Variants in CYRIB observed in about 807,000 individuals in gnomAD.
CYRIB encodes CYFIP related Rac1 interactor B, also known as CYFIP-related Rac1 interactor B.
In CYRIB, 8 loss-of-function variants were observed where a neutral mutation model predicts 44.2. The observed-to-expected ratio is 0.18, with a 90% CI of 0.11 to 0.33. The LOEUF (loss-of-function observed/expected upper bound fraction) is 0.33. Ranked by LOEUF, CYRIB falls within the 10% of genes least tolerant of loss-of-function variation. The pLI is 1.00. For missense variants in CYRIB, 185 were observed against 382.8 expected (o/e 0.48, Z 4.31); for synonymous variants, 131 against 127.2 (o/e 1.03, Z -0.20).
At chr8:129,863,282 T>C (rs2050991079) in intron 4 of CYRIB, among the ~76,000 whole-genome samples, 1 of 152,162 alleles carries the variant, frequency 6.6e-6, no homozygotes, top group Admixed American at 6.5e-5. Context: ...ATCCCAGCAC[T>C]TTGGGAGGCT....
At position 129,842,179 on chromosome 8, in the gene CYRIB, T is replaced by TC; in HGVS notation, c.937dup (p.Glu313GlyfsTer8). On this transcript the variant is annotated frameshift_variant, in exon 12 of 12. Coordinates refer to ENST00000519824, the Ensembl canonical transcript of CYRIB. LOFTEE classifies it high-confidence loss of function. ...GGATTTAATTTGCTTGGAGGTAGTC[T>TC]CATCATTCAAATGTTTTGTTGTGTA... The TC allele has an allele frequency of 6.2e-7, 1 of 1,612,528 alleles. No homozygotes were observed.
intron 1 of CYRIB, among the ~76,000 whole-genome samples, chr8:130,015,673 A>T (rs764616875): frequency 1.3e-5 from 2 of 152,172 alleles, no homozygotes; most frequent in Non-Finnish European, 2.9e-5. Context: ...TTCAAAGGAC[A>T]CACAGGTTTT....
chr8:129,887,863 T>C (rs187152930), intron 2 of CYRIB, among the ~76,000 whole-genome samples: 1 of 152,354 alleles, frequency 6.6e-6, no homozygotes, highest in East Asian at 1.9e-4. Context: ...ACCCTCATTG[T>C]ATCTTGGAAG....
intron 2 of CYRIB, among the ~76,000 whole-genome samples, chr8:129,886,684 T>C (rs1175802347): frequency 6.6e-6 from 1 of 152,128 alleles, no homozygotes; most frequent in East Asian, 1.9e-4. Context: ...ACGTTGCTAA[T>C]TCCAGTGTCA....
chr8:129,987,512 T>C (rs1441457875), intron 1 of CYRIB, among the ~76,000 whole-genome samples: 2 of 151,804 alleles, frequency 1.3e-5, no homozygotes, highest in Non-Finnish European at 2.9e-5. Context: ...CCGGACTACA[T>C]TCTCTCGCCT....
exon 1 of CYRIB, chr8:130,016,374 C>G (rs1416052093): frequency 6.7e-6 from 1 of 148,376 alleles, no homozygotes; most frequent in African/African-American, 2.5e-5. Context: ...ACGTACCTGG[C>G]GGCCCGGGCG....
chr8:129,892,855 A>G (rs933010013), intron 2 of CYRIB, among the ~76,000 whole-genome samples: 18 of 152,242 alleles, frequency 1.2e-4, no homozygotes, highest in African/African-American at 4.1e-4. Context: ...TAATACCATT[A>G]AATCAAACAT....
chr8:129,922,795 G>A (rs1035457025), intron 1 of CYRIB, among the ~76,000 whole-genome samples: 5 of 149,308 alleles, frequency 3.3e-5, no homozygotes, highest in East Asian at 4.1e-4. Flanking sequence ...CCTGGGAGGC[G>A]GAGTTTGCAG....
At chr8:129,933,106 TGTAA>T (rs1464407927) in intron 1 of CYRIB, among the ~76,000 whole-genome samples, 3 of 151,990 alleles carry the variant, frequency 2.0e-5, no homozygotes, top group Non-Finnish European at 2.9e-5. Context: ...AAAGAAATGG[TGTAA>T]GTAATGATGA....
intron 1 of CYRIB, among the ~76,000 whole-genome samples, chr8:130,007,653 A>G (rs923315372): frequency 2.0e-5 from 3 of 152,084 alleles, no homozygotes; most frequent in Admixed American, 6.5e-5. Context: ...GCGTGGTGGC[A>G]CAGGCCTATA....
rs550989406 is a variant in CYRIB at position 129,849,225 on chromosome 8, T to C, written c.840+18A>G. On this transcript the variant is annotated intron_variant, in intron 10 of 11. Transcript: ENST00000519824. The stretch of plus-strand genomic sequence containing the variant: ...GGAGAAACTCGTTTGAAATTATTTA[T>C]ATAAAACAATAACTTACATCAATTT... The C allele has an allele frequency of 1.9e-6, 3 of 1,577,570 alleles. No homozygotes were observed. The highest frequency in any genetic ancestry group is 1.4e-5 in the African/African-American group (1 of 72,990).
intron 1 of CYRIB, among the ~76,000 whole-genome samples, chr8:129,918,762 T>C (rs964560431): frequency 1.3e-5 from 2 of 152,192 alleles, no homozygotes; most frequent in Non-Finnish European, 2.9e-5. Context: ...AGATGCTGAA[T>C]GAGTGAATAA....
At chr8:129,840,759 C>G (rs1407673540) in exon 12 of CYRIB, 3 of 152,326 alleles carry the variant, frequency 2.0e-5, no homozygotes, top group African/African-American at 7.2e-5. Context: ...TAGGGCCTGG[C>G]TGCAGGACAG....
intron 4 of CYRIB, among the ~76,000 whole-genome samples, chr8:129,865,519 T>C (rs1000081516): frequency 6.6e-6 from 1 of 152,232 alleles, no homozygotes; most frequent in African/African-American, 2.4e-5. Flanking sequence ...ATTTAATCTA[T>C]TGTTTCATTT....
chr8:129,956,926 C>T (rs2094883059), intron 2 of CYRIB, among the ~76,000 whole-genome samples: 1 of 148,684 alleles, frequency 6.7e-6, no homozygotes, highest in Non-Finnish European at 1.5e-5. Flanking sequence ...GCAGCCTTGA[C>T]CTCCAGGGCT....
Position 129,852,186 on chromosome 8 carries a change from A to G in CYRIB, c.609T>C (p.Asp203=), listed in dbSNP as rs1443602400. 8.4e-6 allele frequency: 13 copies of G among 1,555,106 alleles called. No individual in the cohort carries two copies. In the Admixed American group the frequency reaches 1.9e-4, roughly 23 times the overall value. The change falls in exon 8 of 12, where the codon GAT becomes GAC. Residue 203 remains aspartate (D), a synonymous_variant. Transcript: ENST00000519824. ...CCTCTGATACAAATTTTGTTGTGGCATCACTCAAGGTTTTCAGCATTGGAG... is the reference window on the plus strand; with the variant it reads ...CCTCTGATACAAATTTTGTTGTGGCGTCACTCAAGGTTTTCAGCATTGGAG...
intron 2 of CYRIB, among the ~76,000 whole-genome samples, chr8:129,955,511 C>T (rs992420903): frequency 3.3e-5 from 5 of 152,072 alleles, no homozygotes; most frequent in African/African-American, 7.2e-5. Context: ...TCTCTACAGA[C>T]GTCGGAAATC....
chr8:129,872,797 T>G (rs770865392), intron 3 of CYRIB, among the ~76,000 whole-genome samples: 8 of 152,048 alleles, frequency 5.3e-5, no homozygotes, highest in Non-Finnish European at 1.2e-4. Flanking sequence ...AGGTTTTTGG[T>G]AAATCTTTGT....
chr8:129,939,865 G>A (rs11785995), upstream of CYRIB: 7,842 of 152,488 alleles, frequency 0.051, 272 homozygotes, highest in Non-Finnish European at 0.079. Context: ...CAGGAAGTGA[G>A]GGCGCCGCGG....
Sources: allele counts gnomAD v4.1 joint callset (sites outside exome capture counted in the v4.1 genomes callset), GRCh38; gene constraint gnomAD v4.1.1; transcripts MANE v1.5; gene names NCBI Gene and HGNC (gene_info 2026-07-23, HGNC 2026-07-21).